The following RBPJ variants were observed in gnomAD, a reference collection of about 807,000 sequenced individuals.
The protein encoded by RBPJ is recombining binding protein suppressor of hairless.
Under a neutral mutation model 67.8 loss-of-function variants are expected in RBPJ, and 9 were observed. The observed-to-expected ratio is 0.13, with a 90% CI of 0.08 to 0.23. The LOEUF is 0.23. Among genes scored for constraint, RBPJ ranks in the 10% least tolerant of loss-of-function variants. RBPJ has a pLI of 1.00. For synonymous variants in RBPJ, 198 were observed against 203.3 expected (o/e 0.97, Z 0.22); for missense variants, 305 against 595.6 (o/e 0.51, Z 5.08).
Position 26,430,346 on chromosome 4 carries a change from T to A in RBPJ, c.1045-73T>A, listed in dbSNP as rs1015109164. 3.2e-6 allele frequency: 4 copies of A among 1,241,778 alleles called. No homozygotes were observed. In the African/African-American group the frequency reaches 6.0e-5, roughly 19 times the overall value. 76.9% of individuals were successfully genotyped at this position (1,241,778 alleles called of 1,614,324 possible). A position where few individuals can be genotyped will look rare whatever the true frequency, so the allele number is the denominator to read the frequency against. On this transcript the variant is annotated intron_variant, in intron 9 of 10. Transcript: ENST00000355476. The surrounding 1 kb of genome is among the most constrained non-coding windows in gnomAD (Gnocchi z 4.1). ...TTAAAAAAAACAAATGAAAGTTGAA[T>A]GAGAATCTAATTTGTGTACTTTAAT...
rs75852159 is a variant in RBPJ, at chr4:26,273,637, T to C, written c.-166-88809T>C. 8.9e-4 allele frequency among the ~76,000 whole-genome samples: 135 copies of C among 152,208 alleles called. 5 individuals carry two copies. The East Asian group carries it at 0.024, about 27-fold the overall frequency. On this transcript the variant is annotated intron_variant, in intron 1 of 4. Transcript: ENST00000512351. ...TCTGTATCCCACTTGCACCTAGGGG[T>C]ACTAATCTTTCTGCAGAAGAACCTA...
At chr4:26,212,702 C>T (rs143850151) in intron 1 of RBPJ, among the ~76,000 whole-genome samples, 16 of 152,178 alleles carry the variant, frequency 1.1e-4, no homozygotes, top group East Asian at 3.9e-4. Flanking sequence ...TTGCCCCATA[C>T]GCAGCAGAAA....
intron 1 of RBPJ, among the ~76,000 whole-genome samples, chr4:26,323,193 G>A (rs1723269094): frequency 6.6e-6 from 1 of 152,080 alleles, no homozygotes; most frequent in Admixed American, 6.6e-5. Context: ...GGTCGCTTGA[G>A]TGGGTTTTAC....
At chr4:26,163,515 A>AG (rs1180919025) in exon 1 of RBPJ, 2 of 152,080 alleles carry the variant, frequency 1.3e-5, no homozygotes, top group African/African-American at 4.8e-5. Context: ...ATTGGGTGGA[A>AG]GGGGCTCTTT....
intron 1 of RBPJ, among the ~76,000 whole-genome samples, chr4:26,236,405 G>T (rs1161377075): frequency 6.6e-6 from 1 of 152,184 alleles, no homozygotes; most frequent in Non-Finnish European, 1.5e-5. Flanking sequence ...AGTGCCTCAG[G>T]TTGGGTAGTT....
chr4:26,130,114 G>A, the RBPJ span, among the ~76,000 whole-genome samples: 7 of 152,074 alleles, frequency 4.6e-5, no homozygotes, highest in African/African-American at 1.4e-4. Context: ...CTCCTGCCTC[G>A]GCCTCCAAAG....
At chr4:26,109,611 C>A in the RBPJ span, among the ~76,000 whole-genome samples, 4 of 26,960 alleles carry the variant, frequency 1.5e-4, no homozygotes, top group South Asian at 1.2e-3. Flanking sequence ...AGCCACTGTG[C>A]CTGTCCACCT....
intron 1 of RBPJ, among the ~76,000 whole-genome samples, chr4:26,286,435 T>G (rs545859539): frequency 1.1e-3 from 146 of 137,530 alleles, no homozygotes; most frequent in Non-Finnish European, 6.9e-4. Flanking sequence ...GTCGCACCAC[T>G]GCACTCCAGC....
intron 1 of RBPJ, among the ~76,000 whole-genome samples, chr4:26,221,549 A>G (rs1290131633): frequency 1.3e-5 from 2 of 152,232 alleles, no homozygotes; most frequent in African/African-American, 2.4e-5. Flanking sequence ...AAAGACCAGC[A>G]TAGGTATAGA....
At chr4:26,285,055 C>T (rs1721416908) in intron 1 of RBPJ, among the ~76,000 whole-genome samples, 1 of 151,982 alleles carries the variant, frequency 6.6e-6, no homozygotes, top group Admixed American at 6.6e-5. Context: ...TGAGGTTTCA[C>T]CATATTGGCC....
At chr4:26,241,102 T>G (rs1432068969) in intron 1 of RBPJ, among the ~76,000 whole-genome samples, 1 of 150,604 alleles carries the variant, frequency 6.6e-6, no homozygotes, top group Non-Finnish European at 1.5e-5. Context: ...GAGGCTGAGG[T>G]GGGAGGATCA....
intron 2 of RBPJ, among the ~76,000 whole-genome samples, chr4:26,396,367 AGT>A (rs1732118334): frequency 1.3e-5 from 2 of 152,236 alleles, no homozygotes; most frequent in African/African-American, 4.8e-5. Context: ...AAGAGAATGG[AGT>A]AGAGTAGGAA....
intron 1 of RBPJ, among the ~76,000 whole-genome samples, chr4:26,369,367 T>G (rs1414623408): frequency 6.6e-6 from 1 of 152,232 alleles, no homozygotes; most frequent in Non-Finnish European, 1.5e-5. Flanking sequence ...TTACAAGATT[T>G]CCCTTACCAA....
chr4:26,319,759 C>T, upstream of RBPJ: 1 of 1,013,546 alleles, frequency 9.9e-7, no homozygotes, highest in South Asian at 1.3e-5. Context: ...AATCCTGCAG[C>T]GCCTTCAACA....
chr4:26,135,782 C>T, the RBPJ span, among the ~76,000 whole-genome samples: 3 of 152,290 alleles, frequency 2.0e-5, 1 homozygote, highest in South Asian at 4.1e-4. Flanking sequence ...TTGCAACAGC[C>T]TCTGACATAG....
intron 1 of RBPJ, among the ~76,000 whole-genome samples, chr4:26,381,407 C>T (rs1560309106): frequency 6.6e-6 from 1 of 151,908 alleles, no homozygotes; most frequent in South Asian, 2.1e-4. Flanking sequence ...GTAGGAAGCA[C>T]CATGTTTAAC....
At chr4:26,409,482 T>C (rs913785530) in intron 3 of RBPJ, among the ~76,000 whole-genome samples, 18 of 152,178 alleles carry the variant, frequency 1.2e-4, no homozygotes, top group African/African-American at 4.3e-4. Context: ...ACCATATCTT[T>C]TATTGTAGTA....
At chr4:26,282,772 T>G (rs1257469472) in intron 1 of RBPJ, among the ~76,000 whole-genome samples, 2 of 151,806 alleles carry the variant, frequency 1.3e-5, no homozygotes, top group African/African-American at 4.8e-5. Flanking sequence ...CCACCCACCT[T>G]GGCCTCCCAA....
At chr4:26,383,557 AAAG>A (rs1341577290) in intron 1 of RBPJ, among the ~76,000 whole-genome samples, 6 of 152,204 alleles carry the variant, frequency 3.9e-5, no homozygotes, top group African/African-American at 1.4e-4. Flanking sequence ...CTCTCTTTAT[AAAG>A]TATAATACTG....
Sources: gnomAD v4.1 joint callset for allele counts (sites outside exome capture counted in the v4.1 genomes callset) on GRCh38, gnomAD v4.1.1 for gene constraint, Gnocchi (gnomAD v3.1) non-coding constraint, MANE v1.5 for transcripts, NCBI Gene and HGNC (gene_info 2026-07-23, HGNC 2026-07-21) for gene names.